The following DUS2 variants were observed in gnomAD, a reference collection of about 807,000 sequenced individuals.
The protein encoded by DUS2 is dihydrouridine synthase 2, also known as tRNA-dihydrouridine(20) synthase [NAD(P)+]-like.
In DUS2, 52 loss-of-function variants were observed where a neutral mutation model predicts 71.3. The observed-to-expected ratio is 0.73, with a 90% CI of 0.58 to 0.92. DUS2 has a LOEUF of 0.92. Ranked by LOEUF, DUS2 falls within the 40% of genes least tolerant of loss-of-function variation. The pLI, the probability that DUS2 is intolerant of heterozygous loss-of-function variation, is 0.00. For synonymous variants in DUS2, 204 were observed against 227.8 expected, an observed-to-expected ratio of 0.90 and a Z score of 0.94; for missense variants, 558 against 622.6, an observed-to-expected ratio of 0.90 and a Z score of 1.10.
chr16:68,047,710 T>C (rs1679743934), intron 3 of DUS2, among the ~76,000 whole-genome samples: 1 of 151,964 alleles, frequency 6.6e-6, no homozygotes, highest in South Asian at 2.1e-4. Flanking sequence ...CTTGAACTCC[T>C]GACCTCAAGT....
intron 2 of DUS2, among the ~76,000 whole-genome samples, chr16:68,025,704 C>T (rs1452295454): frequency 6.6e-6 from 1 of 151,950 alleles, no homozygotes; most frequent in Non-Finnish European, 1.5e-5. Flanking sequence ...ACCTTTTTTC[C>T]CCCTCACTCA....
At chr16:68,077,747 G>C (rs2034178451) in intron 15 of DUS2, among the ~76,000 whole-genome samples, 1 of 152,184 alleles carries the variant, frequency 6.6e-6, no homozygotes. Flanking sequence ...CCCCAGATGT[G>C]GTGCCCCTGG....
At chr16:68,065,875 T>C (rs1265676397) in intron 8 of DUS2, among the ~76,000 whole-genome samples, 1 of 150,366 alleles carries the variant, frequency 6.7e-6, no homozygotes, top group Non-Finnish European at 1.5e-5. Flanking sequence ...CGGGCTGGAG[T>C]GTGTTGGGCA....
intron 2 of DUS2, among the ~76,000 whole-genome samples, chr16:68,033,329 G>T (rs2033468047): frequency 6.6e-6 from 1 of 152,092 alleles, no homozygotes; most frequent in Non-Finnish European, 1.5e-5. Context: ...TGAATGTGGG[G>T]AATGTGGGTT....
Position 68,078,094 on chromosome 16 carries a change from G to A in DUS2, c.1171-351G>A, listed in dbSNP as rs73604391. 7.2e-3 allele frequency: 2,291 copies of A among 316,584 alleles called. 47 individuals carry two copies. The highest frequency in any genetic ancestry group is 0.045 in the African/African-American group (2,119 of 47,016). The allele number at this position is 316,584 out of a possible 1,614,324, so 19.6% of individuals were successfully genotyped here. On this transcript the variant is annotated intron_variant, in intron 15 of 16. Transcript: ENST00000565263. ...AAGTCACCTGGTCCCTCTGCCACGT[G>A]TGCCTTCTCTGCTCCTAGCTTGTCC...
intron 10 of DUS2, 91 bp downstream of exon 10, chr16:68,066,727 C>T: frequency 7.7e-7 from 1 of 1,290,450 alleles, no homozygotes. Context: ...AAGTGACAGC[C>T]AATTTCTCTT....
intron 2 of DUS2, among the ~76,000 whole-genome samples, chr16:68,027,684 T>A (rs1292208059): frequency 6.6e-6 from 1 of 152,260 alleles, no homozygotes; most frequent in Non-Finnish European, 1.5e-5. Context: ...AGATAGTTGC[T>A]CTTCTATTAA....
chr16:68,068,306 G>C (rs1464436549), intron 10 of DUS2, among the ~76,000 whole-genome samples: 1 of 152,312 alleles, frequency 6.6e-6, no homozygotes, highest in Admixed American at 6.5e-5. Context: ...GCAAAGCAGA[G>C]TTGCTTGGGT....
At chr16:68,067,783 C>T (rs560439468) in intron 10 of DUS2, among the ~76,000 whole-genome samples, 29 of 152,124 alleles carry the variant, frequency 1.9e-4, no homozygotes, top group Non-Finnish European at 3.1e-4. Flanking sequence ...CCTCAGCCTC[C>T]TGAGTAGCTG....
At chr16:68,043,175 G>A (rs111811481) in intron 3 of DUS2, among the ~76,000 whole-genome samples, 6,009 of 152,102 alleles carry the variant, frequency 0.04, 376 homozygotes, top group African/African-American at 0.13. Context: ...TTGAGAGGCC[G>A]ACTCAGGTGG....
At position 68,066,596 on chromosome 16, in the gene DUS2, A is replaced by T. The variant is rs775211727; in HGVS notation, c.514A>T (p.Ile172Leu). The T allele has an allele frequency of 6.2e-7, 1 of 1,614,218 alleles. No individual in the cohort carries two copies. The highest frequency in any genetic ancestry group is 1.1e-5 in the South Asian group (1 of 91,080). The part of the protein sequence containing the change: ...LEDTLSLVKR[I>L]ERTGIAAIAV... ...AGATACCCTGAGCCTTGTGAAGCGG[A>T]TAGAGAGGACTGGCATTGCTGCCAT... The change falls in exon 10 of 17, where the codon ATA (isoleucine) becomes TTA (leucine). Residue 172 changes from isoleucine (I) to leucine (L), a missense_variant. Transcript: ENST00000565263.
intron 2 of DUS2, among the ~76,000 whole-genome samples, chr16:68,032,370 G>T (rs1021918668): frequency 6.6e-6 from 1 of 152,192 alleles, no homozygotes; most frequent in Admixed American, 6.5e-5. Context: ...CCACACTCCT[G>T]TTCTTGTAGA....
In DUS2 at chr16:68,079,253, C is replaced by T; in HGVS notation, c.*267C>T. 1 of 361,238 alleles carries T rather than the reference C, an allele frequency of 2.8e-6. No homozygotes were observed. The highest frequency in any genetic ancestry group is 5.0e-6 in the Non-Finnish European group (1 of 199,582). The allele number at this position is 361,238 out of a possible 1,614,324, so 22.4% of individuals were successfully genotyped here. A position where few individuals can be genotyped will look rare whatever the true frequency, so the allele number is the denominator to read the frequency against. ...GTAACTCCCCAACCTGACATTGGTACTGTGCAATAAAGACACCCCCTACCC... is the reference window on the plus strand; with the variant it reads ...GTAACTCCCCAACCTGACATTGGTATTGTGCAATAAAGACACCCCCTACCC... On this transcript the variant is annotated 3_prime_UTR_variant, in exon 17 of 17. Coordinates refer to ENST00000565263, the MANE Select transcript of DUS2 (RefSeq NM_017803.5).
At chr16:68,076,477 A>G (rs1456280739) in intron 14 of DUS2, among the ~76,000 whole-genome samples, 155 bp from the exon 15 acceptor site, 1 of 152,142 alleles carries the variant, frequency 6.6e-6, no homozygotes, top group Non-Finnish European at 1.5e-5. Context: ...CAAGAATGGG[A>G]GCCTAGGGGA....
In DUS2 at chr16:68,053,654, T is replaced by C. The variant is rs757639267; in HGVS notation, c.263T>C (p.Met88Thr). 2 of 1,614,216 alleles carry C rather than the reference T, an allele frequency of 1.2e-6. No individual in the cohort carries two copies. Among genetic ancestry groups the C allele is most frequent in the Non-Finnish European group, 8.5e-7 (1 of 1,180,024 alleles). Residue 88 changes from methionine (M) to threonine (T), a missense_variant and splice_region_variant, in exon 5 of 17, where the codon ATG (methionine) becomes ACG (threonine). Coordinates refer to ENST00000565263, the MANE Select transcript of DUS2 (RefSeq NM_017803.5). ...GAGCAGAACAGGGTGGTCTTCCAGA[T>C]GGTGAGAGACTCCATTGCTGCATGC... Reference protein sequence around the residue: ...EREQNRVVFQMGTSDAERALA... With the variant: ...EREQNRVVFQTGTSDAERALA...
chr16:68,047,585 G>A (rs2033723154), intron 3 of DUS2, among the ~76,000 whole-genome samples: 4 of 151,832 alleles, frequency 2.6e-5, no homozygotes, highest in African/African-American at 9.7e-5. Context: ...CCTGGTTCAA[G>A]CAATTCTCCT....
intron 12 of DUS2, among the ~76,000 whole-genome samples, chr16:68,073,187 G>A (rs776814650): frequency 6.6e-6 from 1 of 152,256 alleles, no homozygotes; most frequent in Non-Finnish European, 1.5e-5. Context: ...GTTTCTGACC[G>A]TGGTCCTTGG....
At chr16:68,040,996 C>G (rs2033618525) in intron 3 of DUS2, among the ~76,000 whole-genome samples, 1 of 152,112 alleles carries the variant, frequency 6.6e-6, no homozygotes, top group Admixed American at 6.6e-5. Flanking sequence ...TTTGGGAGGC[C>G]AAGACAGGTG....
intron 3 of DUS2, among the ~76,000 whole-genome samples, chr16:68,046,511 T>C (rs2033703744): frequency 6.6e-6 from 1 of 152,164 alleles, no homozygotes; most frequent in South Asian, 2.1e-4. Context: ...CCCCAGTAGC[T>C]GGGATACAGG....
Sources: gnomAD v4.1 joint callset for allele counts (sites outside exome capture counted in the v4.1 genomes callset) on GRCh38, gnomAD v4.1.1 for gene constraint, MANE v1.5 for transcripts, NCBI Gene and HGNC (gene_info 2026-07-23, HGNC 2026-07-21) for gene names.